NEDD1: variants seen among roughly 807,000 people sequenced by gnomAD.
NEDD1 encodes protein NEDD1.
NEDD1 carries 33 observed loss-of-function variants against 74.0 expected under a neutral mutation model. That is an observed-to-expected ratio of 0.45 (90% CI 0.34 to 0.60). The LOEUF (loss-of-function observed/expected upper bound fraction) is 0.60, where lower values mean the gene tolerates loss of function less well. Among genes scored for constraint, NEDD1 ranks in the 20% least tolerant of loss-of-function variants. The pLI, the probability that NEDD1 is intolerant of heterozygous loss-of-function variation, is 0.01. For missense variants in NEDD1, 746 were observed against 776.5 expected, an observed-to-expected ratio of 0.96 and a Z score of 0.47; for synonymous variants, 250 against 264.4, an observed-to-expected ratio of 0.95 and a Z score of 0.53.
Position 96,943,703 on chromosome 12 carries a change from A to G in NEDD1, c.1438A>G (p.Thr480Ala). The G allele has an allele frequency of 6.2e-7, 1 of 1,612,810 alleles. No individual in the cohort carries two copies. The highest frequency in any genetic ancestry group is 8.5e-7 in the Non-Finnish European group (1 of 1,178,986). ...GKEENENRDL[T>A]AESKKIYMGK... is the part of the protein sequence containing the mutation. ...AGAGGAAAATGAAAACCGTGATCTA[A>G]CAGCTGAGTCTAAGAAAATATATAT... Residue 480 changes from threonine (T) to alanine (A), a missense_variant, in exon 12 of 16, where the codon ACA (threonine) becomes GCA (alanine). Coordinates refer to ENST00000266742, the MANE Select transcript of NEDD1 (RefSeq NM_152905.4).
In NEDD1 at chr12:96,920,052, TTAG is replaced by T. The variant is rs1874899676; in HGVS notation, c.418_420del (p.Ser140del). The T allele has an allele frequency of 1.2e-6, 2 of 1,603,606 alleles. No homozygotes were observed. Among genetic ancestry groups the T allele is most frequent in the African/African-American group, 2.7e-5 (2 of 74,672 alleles). On this transcript the variant is annotated inframe_deletion, in exon 6 of 16. Coordinates refer to ENST00000266742, the MANE Select transcript of NEDD1 (RefSeq NM_152905.4). ...GATTGCTACATTGCTTCTGGATCTC[TTAG>T]TGGTGAAATTATTTTACACAGTGTA...
At position 96,912,825 on chromosome 12, in the gene NEDD1, ATTTT is replaced by A; in HGVS notation, c.231+19_231+22del. On this transcript the variant is annotated intron_variant, in intron 4 of 15. Transcript: ENST00000266742. ...TTAGAGCTTGCTGAAGGGGTAAGTGATTTTTTTTTTTTTTAAACTTTTAAAAATC... is the reference window on the plus strand; with the variant it reads ...TTAGAGCTTGCTGAAGGGGTAAGTGATTTTTTTTTTAAACTTTTAAAAATC... 3 of 1,184,812 alleles carry A rather than the reference ATTTT, an allele frequency of 2.5e-6. No individual in the cohort carries two copies. Among genetic ancestry groups the A allele is most frequent in the Non-Finnish European group, 3.5e-6 (3 of 850,210 alleles). 73.4% of individuals were successfully genotyped at this position (1,184,812 alleles called of 1,614,324 possible).
chr12:96,950,945 A>G (rs1878650868), intron 14 of NEDD1, among the ~76,000 whole-genome samples: 1 of 151,914 alleles, frequency 6.6e-6, no homozygotes, highest in African/African-American at 2.4e-5. Flanking sequence ...TTGCCACTTT[A>G]TACTGAAAGT....
chr12:96,931,339 A>C (rs1280098386), intron 6 of NEDD1, among the ~76,000 whole-genome samples: 2 of 152,192 alleles, frequency 1.3e-5, no homozygotes, highest in East Asian at 3.8e-4. Flanking sequence ...AAAATTTAAA[A>C]CTTCTGACAA....
chr12:96,918,945 C>G (rs568812179), intron 5 of NEDD1, among the ~76,000 whole-genome samples: 10 of 152,222 alleles, frequency 6.6e-5, no homozygotes, highest in Non-Finnish European at 1.5e-4. Flanking sequence ...GTAAAGAAAT[C>G]TCTGAAAATA....
intron 6 of NEDD1, among the ~76,000 whole-genome samples, chr12:96,924,611 G>A (rs1298015877): frequency 2.6e-5 from 4 of 151,920 alleles, no homozygotes; most frequent in Non-Finnish European, 4.4e-5. Context: ...TATTCTTTGT[G>A]GCTTGTAGAG....
intron 6 of NEDD1, among the ~76,000 whole-genome samples, chr12:96,930,191 ACACACACACACACACACACACTCTCT>A (rs1192086360): frequency 0.019 from 1,445 of 74,632 alleles, 24 homozygotes; most frequent in African/African-American, 0.065. Context: ...ACACACACAC[ACACACACACACACACACACACTCTCT>A]CTCTCTCTCT....
intron 4 of NEDD1, among the ~76,000 whole-genome samples, chr12:96,914,621 G>C (rs545508779): frequency 4.1e-4 from 63 of 152,110 alleles, no homozygotes; most frequent in African/African-American, 1.5e-3. Flanking sequence ...CCTCTTACTC[G>C]TGTATTATTT....
At chr12:96,908,414 C>T (rs1305224112) in intron 2 of NEDD1, among the ~76,000 whole-genome samples, 2 of 151,940 alleles carry the variant, frequency 1.3e-5, no homozygotes, top group East Asian at 3.8e-4. Context: ...ACTTTCCATA[C>T]TAGGAAGGTG....
rs1209932692 is a variant in NEDD1 at position 96,945,867 on chromosome 12, ACTC to A, written c.1811+21_1811+23del. ...GACTTTAGGTAGTAATTGAGAAACT[ACTC>A]CTTCTATCTAGACCTTACTTGTTTT... On this transcript the variant is annotated intron_variant, in intron 14 of 15. Coordinates refer to ENST00000266742, the MANE Select transcript of NEDD1 (RefSeq NM_152905.4). 2 of 1,537,716 alleles carry A rather than the reference ACTC, an allele frequency of 1.3e-6. No homozygotes were observed. Among genetic ancestry groups the A allele is most frequent in the Non-Finnish European group, 9.0e-7 (1 of 1,115,852 alleles).
Position 96,944,811 on chromosome 12 carries a change from T to G in NEDD1, c.1654+16T>G. The G allele has an allele frequency of 6.6e-7, 1 of 1,507,120 alleles. No individual in the cohort carries two copies. Among genetic ancestry groups the G allele is most frequent in the Non-Finnish European group, 8.9e-7 (1 of 1,128,416 alleles). 93.4% of individuals were successfully genotyped at this position (1,507,120 alleles called of 1,614,324 possible). ...TCAACTCCAAGTAAGTACATGAAAC[T>G]TCCTGATGTTTGAAAGTGTTTGATT... is the stretch of plus-strand genomic sequence containing the variant. On this transcript the variant is annotated intron_variant, in intron 13 of 15. Transcript: ENST00000266742.
intron 6 of NEDD1, among the ~76,000 whole-genome samples, chr12:96,929,342 CT>C (rs1876087300): frequency 2.5e-5 from 1 of 40,194 alleles, no homozygotes. Context: ...TGTTTTTTTT[CT>C]TAATGTCTTG....
At chr12:96,939,973 G>T (rs189605974) in intron 9 of NEDD1, among the ~76,000 whole-genome samples, 6 of 152,086 alleles carry the variant, frequency 3.9e-5, no homozygotes, top group African/African-American at 9.6e-5. Context: ...CCTGCTGTAT[G>T]TTAGGCATCG....
chr12:96,910,915 TAA>T (rs918438456), intron 3 of NEDD1, among the ~76,000 whole-genome samples: 3 of 152,356 alleles, frequency 2.0e-5, no homozygotes, highest in Admixed American at 2.0e-4. Flanking sequence ...ATCAAAGCTT[TAA>T]AATGTGACTG....
chr12:96,917,834 T>C (rs1166903661), intron 5 of NEDD1, 97 bp downstream of exon 5: 2 of 1,342,128 alleles, frequency 1.5e-6, no homozygotes, highest in African/African-American at 1.5e-5. Context: ...ATGATAAAAA[T>C]AAGAGGCTTC....
At chr12:96,917,556 G>T in intron 4 of NEDD1, 65 bp from the exon 5 acceptor site, 1 of 1,439,638 alleles carries the variant, frequency 6.9e-7, no homozygotes. Flanking sequence ...AGTGTTGGAT[G>T]AGACCTGAAA....
chr12:96,922,453 C>T (rs545830893), intron 6 of NEDD1, among the ~76,000 whole-genome samples: 1 of 152,128 alleles, frequency 6.6e-6, no homozygotes, highest in South Asian at 2.1e-4. Context: ...TTTGGACTGA[C>T]TTTTCAATAC....
intron 6 of NEDD1, among the ~76,000 whole-genome samples, chr12:96,928,911 C>T (rs932137958): frequency 4.0e-5 from 6 of 151,772 alleles, no homozygotes; most frequent in Middle Eastern, 3.4e-3. Context: ...AGGATGGTCT[C>T]GATCTCCTGA....
chr12:96,914,198 TC>T (rs1056837419), intron 4 of NEDD1, among the ~76,000 whole-genome samples: 3 of 152,202 alleles, frequency 2.0e-5, no homozygotes, highest in Non-Finnish European at 4.4e-5. Context: ...GATCTTTGTA[TC>T]CTAAGATGTT....
Sources: gnomAD v4.1 joint callset for allele counts (sites outside exome capture counted in the v4.1 genomes callset) on GRCh38, gnomAD v4.1.1 for gene constraint, MANE v1.5 for transcripts, NCBI Gene and HGNC (gene_info 2026-07-23, HGNC 2026-07-21) for gene names.